SLC39A11: variants seen among roughly 807,000 people sequenced by gnomAD.
The protein encoded by SLC39A11 is solute carrier family 39 member 11.
In SLC39A11, 33 loss-of-function variants were observed where a neutral mutation model predicts 36.1. The ratio of observed to expected loss-of-function variants is 0.91; its 90% CI spans 0.69 to 1.22. The LOEUF is 1.22. SLC39A11 is among the 50% of genes most tolerant of loss of function. The pLI, the probability that SLC39A11 is intolerant of heterozygous loss-of-function variation, is 0.00. For missense variants in SLC39A11, 432 were observed against 430.3 expected, an observed-to-expected ratio of 1.00 and a Z score of -0.03; for synonymous variants, 166 against 170.3, an observed-to-expected ratio of 0.97 and a Z score of 0.20.
In SLC39A11 at chr17:72,792,455, G is replaced by C. The variant is rs542399974; in HGVS notation, c.602-55736C>G. On this transcript the variant is annotated intron_variant, in intron 6 of 9. Coordinates refer to ENST00000255559, the MANE Select transcript of SLC39A11 (RefSeq NM_139177.4). Reference sequence around the variant, plus strand: ...TACTGGGTGGGAAGAAATCTAGCCAGAGCCAGGGAACTCGCAGCTAAGTCT... The same window carrying C: ...TACTGGGTGGGAAGAAATCTAGCCACAGCCAGGGAACTCGCAGCTAAGTCT... Among the ~76,000 whole-genome samples the C allele has an allele frequency of 2.0e-5, 3 of 152,328 alleles. No individual in the cohort carries two copies. The South Asian group carries it at 6.2e-4, about 32-fold the overall frequency.
intron 7 of SLC39A11, among the ~76,000 whole-genome samples, chr17:72,700,030 G>A (rs551010071): frequency 6.6e-6 from 1 of 152,128 alleles, no homozygotes; most frequent in South Asian, 2.1e-4. Flanking sequence ...GATAGATCAG[G>A]GGTTTCTGCA....
intron 4 of SLC39A11, among the ~76,000 whole-genome samples, chr17:73,020,624 G>A (rs2058308498): frequency 1.3e-5 from 2 of 151,694 alleles, no homozygotes; most frequent in African/African-American, 2.4e-5. Flanking sequence ...CTCCCCAGGG[G>A]ACCATGTGAG....
chr17:72,735,607 G>A (rs776180925), intron 7 of SLC39A11, among the ~76,000 whole-genome samples: 5 of 152,154 alleles, frequency 3.3e-5, no homozygotes, highest in South Asian at 2.1e-4. Context: ...TAGATAGTGC[G>A]CGTGCTGTTT....
At chr17:72,696,230 G>T (rs2072293833) in intron 7 of SLC39A11, among the ~76,000 whole-genome samples, 1 of 152,108 alleles carries the variant, frequency 6.6e-6, no homozygotes, top group African/African-American at 2.4e-5. Flanking sequence ...CCAAGGTGGA[G>T]ATCGGAAAGC....
intron 4 of SLC39A11, among the ~76,000 whole-genome samples, chr17:73,029,329 A>T (rs1440691783): frequency 6.6e-6 from 1 of 151,956 alleles, no homozygotes; most frequent in African/African-American, 2.4e-5. Flanking sequence ...GCAGGAGAGA[A>T]GAGTAGAATG....
At chr17:72,819,726 T>C (rs1380525466) in intron 6 of SLC39A11, among the ~76,000 whole-genome samples, 2 of 151,266 alleles carry the variant, frequency 1.3e-5, no homozygotes, top group Non-Finnish European at 3.0e-5. Context: ...AGCCTCTTGG[T>C]GGATCCCAAA....
At chr17:72,670,065 T>C (rs1029909023) in intron 7 of SLC39A11, among the ~76,000 whole-genome samples, 2 of 149,158 alleles carry the variant, frequency 1.3e-5, no homozygotes, top group East Asian at 1.9e-4. Flanking sequence ...TATATACACA[T>C]ATATATACGT....
intron 6 of SLC39A11, among the ~76,000 whole-genome samples, chr17:72,746,024 G>A (rs973004737): frequency 6.6e-6 from 1 of 152,150 alleles, no homozygotes; most frequent in Non-Finnish European, 1.5e-5. Flanking sequence ...TAGGCAAGAG[G>A]CAAAACTATG....
At chr17:72,841,214 C>T (rs1598948836) in intron 6 of SLC39A11, among the ~76,000 whole-genome samples, 1 of 152,138 alleles carries the variant, frequency 6.6e-6, no homozygotes, top group Admixed American at 6.5e-5. Context: ...AACATTGGGC[C>T]CCCCAAAAAG....
chr17:72,815,366 T>G (rs2077549272), intron 6 of SLC39A11, among the ~76,000 whole-genome samples: 1 of 152,200 alleles, frequency 6.6e-6, no homozygotes, highest in Non-Finnish European at 1.5e-5. Context: ...ATGCCTGTAA[T>G]CCCAGCACTT....
At chr17:73,090,389 GC>G (rs2060885510) in intron 1 of SLC39A11, among the ~76,000 whole-genome samples, 1 of 151,936 alleles carries the variant, frequency 6.6e-6, no homozygotes, top group Non-Finnish European at 1.5e-5. Context: ...CTGTGACCAC[GC>G]CAATTAAAGA....
chr17:73,089,189 G>A (rs559392645), intron 1 of SLC39A11, among the ~76,000 whole-genome samples: 1 of 152,246 alleles, frequency 6.6e-6, no homozygotes, highest in South Asian at 2.1e-4. Flanking sequence ...ACCAAAGACA[G>A]GTGACTAGCT....
At chr17:72,753,051 T>C (rs889211302) in intron 6 of SLC39A11, among the ~76,000 whole-genome samples, 1 of 151,982 alleles carries the variant, frequency 6.6e-6, no homozygotes, top group African/African-American at 2.4e-5. Flanking sequence ...AGAGACCATG[T>C]CTTCATATGT....
intron 5 of SLC39A11, among the ~76,000 whole-genome samples, chr17:72,882,248 C>G (rs761215755): frequency 2.0e-5 from 3 of 151,504 alleles, no homozygotes; most frequent in African/African-American, 7.3e-5. Context: ...CCCAGCCACT[C>G]GGGACGCTGA....
chr17:72,920,320 G>C (rs1004723783), intron 5 of SLC39A11, among the ~76,000 whole-genome samples: 1 of 106,740 alleles, frequency 9.4e-6, no homozygotes, highest in Non-Finnish European at 1.9e-5. Context: ...GCTTGTGCAA[G>C]CTGGCTACCA....
chr17:72,712,361 C>T (rs1272892589), intron 7 of SLC39A11, among the ~76,000 whole-genome samples: 1 of 152,224 alleles, frequency 6.6e-6, no homozygotes, highest in African/African-American at 2.4e-5. Context: ...ATTTACCAAA[C>T]ACTAGAGGCC....
At chr17:72,714,041 A>G (rs920357432) in intron 7 of SLC39A11, among the ~76,000 whole-genome samples, 1 of 152,174 alleles carries the variant, frequency 6.6e-6, no homozygotes, top group African/African-American at 2.4e-5. Context: ...GTTTGCCGCA[A>G]AATTGTGGGT....
intron 7 of SLC39A11, among the ~76,000 whole-genome samples, chr17:72,720,235 G>A (rs1194612208): frequency 1.3e-5 from 2 of 152,198 alleles, no homozygotes; most frequent in Non-Finnish European, 1.5e-5. Context: ...AGCATGCACA[G>A]TCCATGCTGT....
chr17:72,749,956 G>C (rs971773225), intron 6 of SLC39A11, among the ~76,000 whole-genome samples: 10 of 152,162 alleles, frequency 6.6e-5, no homozygotes, highest in Non-Finnish European at 1.5e-4. Flanking sequence ...GCAGCTGAGA[G>C]CACACGCACA....
Sources: allele counts gnomAD v4.1 joint callset (sites outside exome capture counted in the v4.1 genomes callset), GRCh38; gene constraint gnomAD v4.1.1; transcripts MANE v1.5; gene names NCBI Gene and HGNC (gene_info 2026-07-23, HGNC 2026-07-21).